The following UST variants were observed in gnomAD, a reference collection of about 807,000 sequenced individuals.
UST encodes uronyl 2-sulfotransferase.
Under a neutral mutation model 45.6 loss-of-function variants are expected in UST, and 21 were observed. The observed-to-expected ratio is 0.46, with a 90% confidence interval of 0.33 to 0.66. The LOEUF (loss-of-function observed/expected upper bound fraction) is 0.66, where lower values mean the gene tolerates loss of function less well. Ranked by LOEUF, UST falls within the 30% of genes least tolerant of loss-of-function variation. UST has a pLI of 0.02. For synonymous variants in UST, 215 were observed against 200.6 expected, an observed-to-expected ratio of 1.07 and a Z score of -0.61; for missense variants, 463 against 512.4, an observed-to-expected ratio of 0.90 and a Z score of 0.93.
At chr6:149,067,550 A>T (rs562207482) in intron 7 of UST, among the ~76,000 whole-genome samples, 7 of 152,208 alleles carry the variant, frequency 4.6e-5, no homozygotes, top group Non-Finnish European at 1.0e-4. Context: ...TCTAGCAAAC[A>T]TAGGGCTGGG....
chr6:148,755,945 G>A (rs1193082905), intron 1 of UST, among the ~76,000 whole-genome samples: 2 of 151,910 alleles, frequency 1.3e-5, no homozygotes, highest in African/African-American at 2.4e-5. Context: ...CCATCTTGGT[G>A]TGCTGCACCC....
chr6:148,975,709 G>A (rs1781002976), intron 5 of UST, among the ~76,000 whole-genome samples: 1 of 152,126 alleles, frequency 6.6e-6, no homozygotes, highest in African/African-American at 2.4e-5. Flanking sequence ...AGAAAAGATA[G>A]GTTTATGAAT....
chr6:149,029,483 TATAA>T, intron 7 of UST, among the ~76,000 whole-genome samples: 1 of 145,606 alleles, frequency 6.9e-6, no homozygotes, highest in East Asian at 2.0e-4. Flanking sequence ...ATAATGTATA[TATAA>T]TATATAATGT....
chr6:148,870,924 T>C (rs1436228618), intron 1 of UST, among the ~76,000 whole-genome samples: 1 of 152,228 alleles, frequency 6.6e-6, no homozygotes, highest in African/African-American at 2.4e-5. Flanking sequence ...CCTCTTTTTC[T>C]GCAGACTTCT....
At chr6:148,972,818 A>G (rs1780944871) in intron 5 of UST, among the ~76,000 whole-genome samples, 1 of 151,652 alleles carries the variant, frequency 6.6e-6, no homozygotes, top group African/African-American at 2.4e-5. Context: ...AAAACTACTG[A>G]TTCCTGGGTC....
chr6:149,072,011 A>G (rs1409082537), intron 7 of UST, among the ~76,000 whole-genome samples: 1 of 152,178 alleles, frequency 6.6e-6, no homozygotes, highest in Non-Finnish European at 1.5e-5. Context: ...CTCCACACTT[A>G]CTGGGATGGC....
intron 1 of UST, among the ~76,000 whole-genome samples, chr6:148,819,072 G>T (rs1451807735): frequency 6.6e-6 from 1 of 152,174 alleles, no homozygotes; most frequent in East Asian, 1.9e-4. Flanking sequence ...TCATGGAGAG[G>T]CTGCATTTGA....
At chr6:149,061,607 G>A (rs1776656068) in intron 7 of UST, among the ~76,000 whole-genome samples, 1 of 152,258 alleles carries the variant, frequency 6.6e-6, no homozygotes, top group South Asian at 2.1e-4. Flanking sequence ...GAATCTGTGT[G>A]CAATCCACTG....
At chr6:148,855,231 A>G (rs1778181167) in intron 1 of UST, among the ~76,000 whole-genome samples, 1 of 152,150 alleles carries the variant, frequency 6.6e-6, no homozygotes, top group African/African-American at 2.4e-5. Context: ...ACACAGCCAA[A>G]CCGTATCAGG....
At chr6:148,998,717 C>T (rs1181694248) in intron 5 of UST, among the ~76,000 whole-genome samples, 2 of 152,238 alleles carry the variant, frequency 1.3e-5, no homozygotes, top group African/African-American at 4.8e-5. Context: ...GTTTCATCAG[C>T]ATCTCAAGAT....
chr6:148,834,278 T>C (rs2114763195), intron 1 of UST, among the ~76,000 whole-genome samples: 1 of 152,356 alleles, frequency 6.6e-6, no homozygotes, highest in South Asian at 2.1e-4. Context: ...AAACAATTTA[T>C]TACCATTTAG....
At chr6:148,842,235 T>G (rs772818026) in intron 1 of UST, among the ~76,000 whole-genome samples, 1 of 152,206 alleles carries the variant, frequency 6.6e-6, no homozygotes, top group Non-Finnish European at 1.5e-5. Context: ...AAAATTTGTC[T>G]TAATTACTTT....
intron 2 of UST, among the ~76,000 whole-genome samples, chr6:148,899,537 C>G (rs993694413): frequency 2.0e-5 from 3 of 152,182 alleles, no homozygotes; most frequent in Non-Finnish European, 4.4e-5. Context: ...ACCCACAATG[C>G]CACCACGCAA....
chr6:148,878,404 T>C (rs1582872887), intron 1 of UST, among the ~76,000 whole-genome samples: 2 of 30,202 alleles, frequency 6.6e-5, no homozygotes, highest in Non-Finnish European at 1.2e-4. Flanking sequence ...GTGCGGAGAT[T>C]GTGTATGAGT....
intron 2 of UST, among the ~76,000 whole-genome samples, chr6:148,937,217 T>A (rs1371351664): frequency 6.6e-6 from 1 of 152,202 alleles, no homozygotes; most frequent in African/African-American, 2.4e-5. Flanking sequence ...CAAGGCTGAT[T>A]CCAGAAATTT....
chr6:148,937,240 A>G (rs908624891), intron 2 of UST, among the ~76,000 whole-genome samples: 2 of 152,152 alleles, frequency 1.3e-5, no homozygotes, highest in Non-Finnish European at 2.9e-5. Context: ...GTGAAAACAC[A>G]TTTCCTGCTT....
chr6:148,915,722 C>T (rs1186201876), intron 2 of UST, among the ~76,000 whole-genome samples: 1 of 151,954 alleles, frequency 6.6e-6, no homozygotes, highest in Non-Finnish European at 1.5e-5. Flanking sequence ...AAGATTGGCT[C>T]AAATATGAAA....
rs1398030216 is a variant in UST, at chr6:148,748,511, A to C, written c.247+834A>C. ...AGAAGTAAGGAAGGGGTTTGACGGG[A>C]GGGAAAGAGCCGCTCCAGCGAGAAG... On this transcript the variant is annotated intron_variant, in intron 1 of 7. Transcript: ENST00000367463. This position sits in a 1 kb window ranked among gnomAD's most constrained non-coding sequence, Gnocchi z 5.3. Among the ~76,000 whole-genome samples, 1 of 150,412 alleles carries C rather than the reference A, an allele frequency of 6.6e-6. No individual in the cohort carries two copies. The highest frequency in any genetic ancestry group is 2.5e-5 in the African/African-American group (1 of 40,594).
In UST at chr6:149,076,395, G is replaced by A. The variant is rs781190847; in HGVS notation, c.*2279G>A. The A allele has an allele frequency of 3.9e-5, 6 of 152,160 alleles. No individual in the cohort carries two copies. Among genetic ancestry groups the A allele is most frequent in the Admixed American group, 2.6e-4 (4 of 15,278 alleles). 9.4% of individuals were successfully genotyped at this position (152,160 alleles called of 1,614,324 possible). A position where few individuals can be genotyped will look rare whatever the true frequency, so the allele number is the denominator to read the frequency against. ...TGTCAGAACATTGGGACAATTGGTC[G>A]TTCAAAAACATTCATCCTCTTACTG... On this transcript the variant is annotated 3_prime_UTR_variant, in exon 8 of 8. Transcript: ENST00000367463.
Sources: gnomAD v4.1 joint callset for allele counts (sites outside exome capture counted in the v4.1 genomes callset) on GRCh38, gnomAD v4.1.1 for gene constraint, Gnocchi (gnomAD v3.1) non-coding constraint, MANE v1.5 for transcripts, NCBI Gene and HGNC (gene_info 2026-07-23, HGNC 2026-07-21) for gene names.